The following LATS2 variants were observed in gnomAD, a reference collection of about 807,000 sequenced individuals.
LATS2 encodes the protein large tumor suppressor kinase 2.
Under a neutral mutation model 76.0 loss-of-function variants are expected in LATS2, and 24 were observed. The ratio of observed to expected loss-of-function variants is 0.32; its 90% CI spans 0.23 to 0.44. The LOEUF is 0.44. Among genes scored for constraint, LATS2 ranks in the 20% least tolerant of loss-of-function variants. LATS2 has a pLI of 1.00. For missense variants in LATS2, 1,286 were observed against 1,481.2 expected (o/e 0.87, Z 2.16); for synonymous variants, 692 against 635.4 (o/e 1.09, Z -1.34).
intron 2 of LATS2, among the ~76,000 whole-genome samples, chr13:21,001,878 C>CA (rs1387021369): frequency 8.0e-5 from 12 of 149,540 alleles, no homozygotes; most frequent in Non-Finnish European, 1.0e-4. Flanking sequence ...GACTCCGTCT[C>CA]AAAAAAATAG....
In LATS2 at chr13:20,988,363, G is replaced by GGGCGGA; in HGVS notation, c.1416_1417insTCCGCC (p.Ala472_Pro473insSerAla). The GGGCGGA allele has an allele frequency of 1.5e-6, 2 of 1,368,248 alleles. No homozygotes were observed. The highest frequency in any genetic ancestry group is 1.9e-6 in the Non-Finnish European group (2 of 1,070,610). The allele number at this position is 1,368,248 out of a possible 1,614,324, so 84.8% of individuals were successfully genotyped here. On this transcript the variant is annotated inframe_insertion, in exon 4 of 8. Coordinates refer to ENST00000382592, the MANE Select transcript of LATS2 (RefSeq NM_014572.3). ...GCAGCCGGGGCGGGGGCGGGGGCGG[G>GGGCGGA]GGCCGGGGCAGGCGCGGGCACCCAG...
Position 21,056,360 on chromosome 13 carries a change from C to T in LATS2, c.-205+4986G>A, listed in dbSNP as rs568752178. Among the ~76,000 whole-genome samples the T allele has an allele frequency of 6.6e-5, 10 of 152,146 alleles. No homozygotes were observed. In the South Asian group the frequency reaches 1.0e-3, roughly 16 times the overall value. ...AGCCAGAGTATCACTTCTACATAAG[C>T]TTACAGTCTCGGGGAAAAAGACACC... On this transcript the variant is annotated intron_variant, in intron 1 of 7. Coordinates refer to ENST00000382592, the MANE Select transcript of LATS2 (RefSeq NM_014572.3).
chr13:20,981,319 T>C, intron 6 of LATS2, 147 bp downstream of exon 6: 1 of 694,490 alleles, frequency 1.4e-6, no homozygotes, highest in Non-Finnish European at 2.4e-6. Context: ...GCTTGTATGT[T>C]GCAGAAATTA....
Position 20,974,381 on chromosome 13 carries a change from G to C in LATS2, c.*489C>G, listed in dbSNP as rs1869492152. 4.4e-6 allele frequency: 1 copy of C among 225,544 alleles called. No homozygotes were observed. The highest frequency in any genetic ancestry group is 8.7e-6 in the Non-Finnish European group (1 of 114,504). 14.0% of individuals were successfully genotyped at this position (225,544 alleles called of 1,614,324 possible). A position where few individuals can be genotyped will look rare whatever the true frequency, so the allele number is the denominator to read the frequency against. On this transcript the variant is annotated 3_prime_UTR_variant, in exon 8 of 8. Transcript: ENST00000382592. ...GAAAAAATAAAAAACAAAAACCATT[G>C]TGTGGATAAAATGGTCTCCGTGACA...
At chr13:20,978,196 T>C (rs1336233475) in intron 7 of LATS2, among the ~76,000 whole-genome samples, 1 of 152,120 alleles carries the variant, frequency 6.6e-6, no homozygotes, top group Non-Finnish European at 1.5e-5. Context: ...ATGACAGGCA[T>C]GATCCACCAC....
At chr13:21,046,851 C>A (rs1873091899) in intron 1 of LATS2, among the ~76,000 whole-genome samples, 1 of 152,140 alleles carries the variant, frequency 6.6e-6, no homozygotes, top group South Asian at 2.1e-4. Context: ...GTAACTACTT[C>A]CTTTGTTTTT....
At chr13:20,981,953 C>T (rs187587806) in intron 5 of LATS2, among the ~76,000 whole-genome samples, 2 of 152,316 alleles carry the variant, frequency 1.3e-5, no homozygotes, top group Admixed American at 1.3e-4. Context: ...GCTGGAAGAA[C>T]TGCGGGGACA....
At chr13:21,047,317 G>A (rs1268594632) in intron 1 of LATS2, among the ~76,000 whole-genome samples, 4 of 152,106 alleles carry the variant, frequency 2.6e-5, no homozygotes, top group African/African-American at 4.8e-5. Context: ...GGTGAGCACC[G>A]GGTCAGATGA....
At position 20,988,995 on chromosome 13, in the gene LATS2, C is replaced by A; in HGVS notation, c.785G>T (p.Gly262Val). 1 of 1,545,806 alleles carries A rather than the reference C, an allele frequency of 6.5e-7. No individual in the cohort carries two copies. Among genetic ancestry groups the A allele is most frequent in the Non-Finnish European group, 8.7e-7 (1 of 1,151,868 alleles). ...CTGCACTCCGTAGCCCAGGGGTTCC[C>A]CAGGCACCAGCAGGTGCGGCCGCCC... ...HYGRPHLLVP[G>V]EPLGYGVQRS... The change falls in exon 4 of 8, where the codon GGG becomes GTG. Residue 262 changes from glycine (G) to valine (V), a missense_variant. Gly to Val is a moderately radical substitution (Grantham distance 109). Around this residue, in one of 5 missense-constraint regions of LATS2, gnomAD observed 710 missense variants for 660.9 expected, o/e 1.07. Coordinates refer to ENST00000382592, the MANE Select transcript of LATS2 (RefSeq NM_014572.3).
chr13:20,990,256 A>G (rs1390464367), intron 3 of LATS2, among the ~76,000 whole-genome samples: 1 of 152,172 alleles, frequency 6.6e-6, no homozygotes, highest in African/African-American at 2.4e-5. Context: ...CTGTGCTCTA[A>G]GGCCTCAAAA....
intron 6 of LATS2, 137 bp from the exon 7 acceptor site, chr13:20,979,934 C>T: frequency 2.1e-6 from 1 of 474,614 alleles, no homozygotes; most frequent in Non-Finnish European, 3.8e-6. Flanking sequence ...GCAAGATGGA[C>T]CTATGTAAGT....
chr13:21,006,631 ACT>A (rs972560507), intron 2 of LATS2, among the ~76,000 whole-genome samples: 1 of 152,056 alleles, frequency 6.6e-6, no homozygotes, highest in African/African-American at 2.4e-5. Context: ...ATGTGTGAAG[ACT>A]CTGCTCTTCA....
Position 20,988,133 on chromosome 13 carries a change from G to T in LATS2, c.1647C>A (p.Asn549Lys), listed in dbSNP as rs150687923. The change falls in exon 4 of 8, where the codon AAC becomes AAA. Residue 549 changes from asparagine to lysine, a missense_variant. By Grantham distance (94) the Asn-to-Lys change is moderately conservative. This residue lies in a region of LATS2 where 710 missense variants were observed against 660.9 expected (regional missense o/e 1.07). Coordinates refer to ENST00000382592, the MANE Select transcript of LATS2 (RefSeq NM_014572.3). Reference sequence around the variant, plus strand: ...GGCTCTTGTCGCCGCCCTCGGGCTCGTTGGGGCCCGCACGGAGGCTCTGCT... The same window carrying T: ...GGCTCTTGTCGCCGCCCTCGGGCTCTTTGGGGCCCGCACGGAGGCTCTGCT... ...GMEQSLRAGP[N>K]EPEGGDKSRK... 8.7e-6 allele frequency: 14 copies of T among 1,614,194 alleles called. No individual in the cohort carries two copies. Among genetic ancestry groups the T allele is most frequent in the Non-Finnish European group, 1.2e-5 (14 of 1,180,026 alleles).
In LATS2 at chr13:20,988,134, T is replaced by G. The variant is rs141367030; in HGVS notation, c.1646A>C (p.Asn549Thr). 6.2e-7 allele frequency: 1 copy of G among 1,614,082 alleles called. No homozygotes were observed. The highest frequency in any genetic ancestry group is 1.3e-5 in the African/African-American group (1 of 74,952). Residue 549 changes from asparagine to threonine, a missense_variant, in exon 4 of 8, where the codon AAC becomes ACC. Coordinates refer to ENST00000382592, the MANE Select transcript of LATS2 (RefSeq NM_014572.3). Reference protein sequence around the residue: ...GMEQSLRAGPNEPEGGDKSRK... With the variant: ...GMEQSLRAGPTEPEGGDKSRK... ...GCTCTTGTCGCCGCCCTCGGGCTCG[T>G]TGGGGCCCGCACGGAGGCTCTGCTC...
intron 7 of LATS2, among the ~76,000 whole-genome samples, chr13:20,978,306 T>C (rs564494996): frequency 1.4e-4 from 22 of 152,214 alleles, no homozygotes; most frequent in African/African-American, 4.8e-4. Flanking sequence ...CACCAGGGCA[T>C]GTGAAAATTC....
intron 2 of LATS2, among the ~76,000 whole-genome samples, chr13:21,042,159 A>AT (rs1872900508): frequency 6.6e-6 from 1 of 152,164 alleles, no homozygotes; most frequent in Admixed American, 6.5e-5. Context: ...TTCTACAGGA[A>AT]TTTTTGTAAG....
intron 2 of LATS2, among the ~76,000 whole-genome samples, chr13:21,009,069 C>T (rs1027164566): frequency 6.6e-6 from 1 of 152,146 alleles, no homozygotes; most frequent in Non-Finnish European, 1.5e-5. Context: ...ACAGTCTTGC[C>T]CCCTTGTCCT....
intron 6 of LATS2, among the ~76,000 whole-genome samples, chr13:20,980,072 G>C (rs1254536156): frequency 6.6e-6 from 1 of 152,168 alleles, no homozygotes; most frequent in East Asian, 1.9e-4. Context: ...TTAGCAAATA[G>C]TTACTAGCCA....
chr13:20,990,702 C>A (rs1284701663), intron 3 of LATS2, among the ~76,000 whole-genome samples: 2 of 152,016 alleles, frequency 1.3e-5, no homozygotes, highest in African/African-American at 4.8e-5. Flanking sequence ...ATCACAGGGC[C>A]CATGTGCTCC....
Sources: allele counts gnomAD v4.1 joint callset (sites outside exome capture counted in the v4.1 genomes callset), GRCh38; gene constraint gnomAD v4.1.1; regional missense constraint gnomAD v4.1.1; transcripts MANE v1.5; gene names NCBI Gene and HGNC (gene_info 2026-07-23, HGNC 2026-07-21).